The following SCN2A variants were observed in gnomAD, a reference collection of about 807,000 sequenced individuals.
SCN2A encodes sodium voltage-gated channel alpha subunit 2, also known as sodium channel protein type 2 subunit alpha.
In SCN2A, 20 loss-of-function variants were observed where a neutral mutation model predicts 188.7. The observed-to-expected ratio is 0.11, with a 90% CI of 0.07 to 0.15. The LOEUF is 0.15. Among genes scored for constraint, SCN2A ranks in the 10% least tolerant of loss-of-function variants. SCN2A has a pLI of 1.00. For missense variants in SCN2A, 1,278 were observed against 2,445.0 expected (o/e 0.52, Z 10.07); for synonymous variants, 804 against 833.1 (o/e 0.97, Z 0.60).
intron 1 of SCN2A, among the ~76,000 whole-genome samples, chr2:165,283,300 G>A (rs113836811): frequency 2.6e-4 from 40 of 152,212 alleles, no homozygotes; most frequent in African/African-American, 8.7e-4. Context: ...GCTATAGGTT[G>A]TTGGGAATAT....
In SCN2A at chr2:165,279,432, A is replaced by G. The variant is rs564266702; in HGVS notation, c.-51-16341A>G. Among the ~76,000 whole-genome samples, 3 of 152,312 alleles carry G rather than the reference A, an allele frequency of 2.0e-5. No homozygotes were observed. In the South Asian group the frequency reaches 6.2e-4, roughly 32 times the overall value. ...TGGTTGAACATCATCAAAAAGGTAT[A>G]AAGGATGGAAATGAAAGCTAAGATC... On this transcript the variant is annotated intron_variant, in intron 1 of 26. Coordinates refer to ENST00000375437, the MANE Select transcript of SCN2A (RefSeq NM_001040142.2).
At chr2:165,339,092 G>A (rs1334699321) in intron 14 of SCN2A, among the ~76,000 whole-genome samples, 1 of 152,056 alleles carries the variant, frequency 6.6e-6, no homozygotes, top group Non-Finnish European at 1.5e-5. Flanking sequence ...GTGGTGGCAG[G>A]CGCCTGCAAT....
chr2:165,290,949 C>G (rs1359783719), intron 1 of SCN2A, among the ~76,000 whole-genome samples: 1 of 151,838 alleles, frequency 6.6e-6, no homozygotes, highest in Non-Finnish European at 1.5e-5. Context: ...TTCTGTCCAG[C>G]ATTAATTTCC....
intron 1 of SCN2A, among the ~76,000 whole-genome samples, chr2:165,279,674 T>C (rs538466433): frequency 6.6e-6 from 1 of 152,190 alleles, no homozygotes; most frequent in African/African-American, 2.4e-5. Context: ...ATGTTGGCAA[T>C]GGAATGAGAA....
chr2:165,279,037 A>G lies in SCN2A; in HGVS notation c.-51-16736A>G, dbSNP rs930809357. On this transcript the variant is annotated intron_variant, in intron 1 of 26. Coordinates refer to ENST00000375437, the MANE Select transcript of SCN2A (RefSeq NM_001040142.2). Reference sequence around the variant, plus strand: ...AAGCAGGGAAGGAAGCATTCTTTACATGCCAGGAAGAGGAATCTTAGTGAT... The same window carrying G: ...AAGCAGGGAAGGAAGCATTCTTTACGTGCCAGGAAGAGGAATCTTAGTGAT... Among the ~76,000 whole-genome samples the G allele has an allele frequency of 2.0e-5, 3 of 152,302 alleles. No homozygotes were observed. In the East Asian group the frequency reaches 5.8e-4, roughly 29 times the overall value.
At chr2:165,298,468 C>T (rs1467491243) in intron 3 of SCN2A, among the ~76,000 whole-genome samples, 2 of 152,058 alleles carry the variant, frequency 1.3e-5, no homozygotes, top group African/African-American at 2.4e-5. Context: ...CTAGGTTGTT[C>T]CTCTTCCCCA....
At chr2:165,378,168 A>G (rs1320976227) in intron 23 of SCN2A, among the ~76,000 whole-genome samples, 1 of 150,474 alleles carries the variant, frequency 6.6e-6, no homozygotes, top group East Asian at 1.9e-4. Flanking sequence ...CTTTTCTATA[A>G]TTTTCATTAA....
intron 8 of SCN2A, among the ~76,000 whole-genome samples, chr2:165,312,697 T>C (rs1697505508): frequency 1.3e-5 from 2 of 152,112 alleles, no homozygotes; most frequent in Admixed American, 1.3e-4. Context: ...ATTGTTATTA[T>C]TGGGATCATG....
intron 1 of SCN2A, among the ~76,000 whole-genome samples, chr2:165,255,531 T>G (rs1370679842): frequency 6.6e-6 from 1 of 152,132 alleles, no homozygotes; most frequent in African/African-American, 2.4e-5. Flanking sequence ...ATCCTAACAA[T>G]TATTAAAATA....
chr2:165,246,389 C>G (rs1483772150), intron 1 of SCN2A, among the ~76,000 whole-genome samples: 1 of 152,090 alleles, frequency 6.6e-6, no homozygotes, highest in Admixed American at 6.6e-5. Flanking sequence ...GACATCCACT[C>G]CCATGGTTTT....
At chr2:165,250,039 C>T (rs1694016845) in intron 1 of SCN2A, among the ~76,000 whole-genome samples, 1 of 150,050 alleles carries the variant, frequency 6.7e-6, no homozygotes, top group Non-Finnish European at 1.5e-5. Flanking sequence ...GCAGCATATA[C>T]TTCCATTCTA....
At chr2:165,376,991 T>C (rs1166098645) in intron 22 of SCN2A, among the ~76,000 whole-genome samples, 1 of 151,976 alleles carries the variant, frequency 6.6e-6, no homozygotes, top group East Asian at 1.9e-4. Flanking sequence ...AGAGTTTTAT[T>C]TTCAAGATCA....
intron 1 of SCN2A, among the ~76,000 whole-genome samples, chr2:165,291,401 T>TGTCTG (rs1559339883): frequency 1.4e-5 from 2 of 145,364 alleles, no homozygotes; most frequent in African/African-American, 5.0e-5. Flanking sequence ...CCTTCCTTCC[T>TGTCTG]TCCTTCCTTC....
chr2:165,296,667 A>G, intron 2 of SCN2A: 1 of 182,642 alleles, frequency 5.5e-6, no homozygotes, highest in Non-Finnish European at 1.1e-5. Context: ...TGAAGTTCTC[A>G]TGAGAAAATT....
chr2:165,323,602 C>A, intron 12 of SCN2A, 102 bp downstream of exon 12: 1 of 1,134,450 alleles, frequency 8.8e-7, no homozygotes, highest in Non-Finnish European at 1.3e-6. Flanking sequence ...GAGTTTGTTG[C>A]CCAAAGGCTG....
At chr2:165,326,733 G>T in intron 12 of SCN2A, 119 bp from the exon 13 acceptor site, 1 of 1,161,714 alleles carries the variant, frequency 8.6e-7, no homozygotes, top group South Asian at 1.3e-5. Flanking sequence ...ATCTTAGTGA[G>T]CTTTTTACAT....
chr2:165,243,263 A>G (rs1445385681), intron 1 of SCN2A, among the ~76,000 whole-genome samples: 2 of 151,992 alleles, frequency 1.3e-5, no homozygotes, highest in Non-Finnish European at 2.9e-5. Flanking sequence ...TCCTTTTTTG[A>G]ATCCTTCAGT....
chr2:165,344,647 C>G lies in SCN2A; in HGVS notation c.2655C>G (p.Thr885=). 2 of 1,614,026 alleles carry G rather than the reference C, an allele frequency of 1.2e-6. No homozygotes were observed. Among genetic ancestry groups the G allele is most frequent in the Non-Finnish European group, 1.7e-6 (2 of 1,179,998 alleles). ...GNSVGALGNL[T]LVLAIIVFIF... ...CTGTGGGGGCTCTAGGAAACCTCAC[C>G]TTGGTATTGGCCATCATCGTCTTCA... Residue 885 remains threonine (T), a synonymous_variant, in exon 16 of 27, where the codon ACC becomes ACG. Coordinates refer to ENST00000375437, the MANE Select transcript of SCN2A (RefSeq NM_001040142.2).
intron 14 of SCN2A, among the ~76,000 whole-genome samples, chr2:165,339,228 CA>C (rs5836027): frequency 0.018 from 2,501 of 138,594 alleles, 47 homozygotes; most frequent in East Asian, 0.053. Context: ...AACTCTGTCT[CA>C]AAAAAAAAAA....
Sources: allele counts gnomAD v4.1 joint callset (sites outside exome capture counted in the v4.1 genomes callset), GRCh38; gene constraint gnomAD v4.1.1; transcripts MANE v1.5; gene names NCBI Gene and HGNC (gene_info 2026-07-23, HGNC 2026-07-21).